LARGE1: variants seen among roughly 807,000 people sequenced by gnomAD.
LARGE1 encodes xylosyl- and glucuronyltransferase LARGE1.
Under a neutral mutation model 87.6 loss-of-function variants are expected in LARGE1, and 43 were observed. That is an observed-to-expected ratio of 0.49 (90% CI 0.38 to 0.63). The LOEUF (loss-of-function observed/expected upper bound fraction) is 0.63. LARGE1 is among the 30% of genes least tolerant of loss of function. LARGE1 has a pLI of 0.00. For synonymous variants in LARGE1, 434 were observed against 394.6 expected, an observed-to-expected ratio of 1.10 and a Z score of -1.18; for missense variants, 802 against 1,000.2, an observed-to-expected ratio of 0.80 and a Z score of 2.67.
chr22:33,430,943 T>C (rs2067058382), intron 7 of LARGE1, among the ~76,000 whole-genome samples: 2 of 152,162 alleles, frequency 1.3e-5, no homozygotes, highest in South Asian at 2.1e-4. Flanking sequence ...GCTTCACTTA[T>C]CACTTTTAGG....
chr22:33,597,116 C>T (rs548717524), intron 5 of LARGE1, among the ~76,000 whole-genome samples: 1 of 152,228 alleles, frequency 6.6e-6, no homozygotes, highest in East Asian at 1.9e-4. Context: ...TTCGTCACAG[C>T]ACCTGAAGTT....
intron 4 of LARGE1, among the ~76,000 whole-genome samples, chr22:33,613,567 A>G (rs1204081440): frequency 6.6e-6 from 1 of 152,120 alleles, no homozygotes; most frequent in African/African-American, 2.4e-5. Flanking sequence ...ATCTTGGCTC[A>G]CCACAACCTC....
At chr22:33,087,756 G>A in the LARGE1 span, among the ~76,000 whole-genome samples, 1 of 152,064 alleles carries the variant, frequency 6.6e-6, no homozygotes, top group African/African-American at 2.4e-5. Context: ...TCAGCAGGGC[G>A]AAACCCCATC....
intron 9 of LARGE1, 49 bp downstream of exon 9, chr22:33,381,870 C>T: frequency 1.2e-6 from 2 of 1,612,732 alleles, no homozygotes; most frequent in Non-Finnish European, 1.7e-6. Context: ...GGGAGGTCCT[C>T]TCGGCCCACC....
chr22:33,702,448 A>G (rs1302064514), intron 2 of LARGE1, among the ~76,000 whole-genome samples: 1 of 152,212 alleles, frequency 6.6e-6, no homozygotes, highest in Non-Finnish European at 1.5e-5. Flanking sequence ...AGAAAAGAAA[A>G]GCAATATAAA....
intron 10 of LARGE1, 85 bp downstream of exon 10, chr22:33,337,561 T>G (rs1938608943): frequency 6.6e-7 from 1 of 1,518,956 alleles, no homozygotes; most frequent in Non-Finnish European, 9.1e-7. Flanking sequence ...GCCATGAGCC[T>G]GACATAGAGC....
At chr22:33,338,381 C>T (rs1022113724) in intron 9 of LARGE1, among the ~76,000 whole-genome samples, 2 of 152,142 alleles carry the variant, frequency 1.3e-5, no homozygotes, top group African/African-American at 2.4e-5. Context: ...CCCTACTTCT[C>T]GGCCCAGTGA....
intron 1 of LARGE1, among the ~76,000 whole-genome samples, chr22:33,828,755 CG>C (rs887227151): frequency 6.6e-6 from 1 of 152,208 alleles, no homozygotes; most frequent in East Asian, 1.9e-4. Flanking sequence ...CATGCATAAA[CG>C]GATGAATGAG....
intron 9 of LARGE1, among the ~76,000 whole-genome samples, chr22:33,344,985 T>C (rs1283618541): frequency 6.6e-6 from 1 of 151,696 alleles, no homozygotes; most frequent in African/African-American, 2.4e-5. Flanking sequence ...CCAAAATAGA[T>C]TTTTGTAAGG....
chr22:33,608,061 G>A (rs1264080451), intron 4 of LARGE1, among the ~76,000 whole-genome samples: 1 of 152,166 alleles, frequency 6.6e-6, no homozygotes, highest in Admixed American at 6.5e-5. Context: ...AGAGGCAGCA[G>A]GACAAAGTCA....
intron 2 of LARGE1, among the ~76,000 whole-genome samples, chr22:33,739,674 T>C (rs1448852339): frequency 6.6e-6 from 1 of 152,088 alleles, no homozygotes; most frequent in Non-Finnish European, 1.5e-5. Flanking sequence ...CCACAGACAG[T>C]GGTGCAGCTG....
At chr22:33,151,615 C>G in the LARGE1 span, among the ~76,000 whole-genome samples, 1 of 152,090 alleles carries the variant, frequency 6.6e-6, no homozygotes, top group Non-Finnish European at 1.5e-5. Flanking sequence ...TGAGGAAGTT[C>G]AAGCTATTCT....
chr22:33,325,052 C>T (rs114781749), intron 10 of LARGE1, among the ~76,000 whole-genome samples: 3 of 152,212 alleles, frequency 2.0e-5, no homozygotes, highest in Non-Finnish European at 4.4e-5. Flanking sequence ...TAAGGTTATA[C>T]AATGCGCGAA....
intron 11 of LARGE1, among the ~76,000 whole-genome samples, chr22:33,214,715 C>T (rs1339136742): frequency 6.6e-6 from 1 of 152,164 alleles, no homozygotes; most frequent in Admixed American, 6.6e-5. Flanking sequence ...GAAGTGTGTG[C>T]ATGCAGGATT....
chr22:33,607,033 C>A (rs371015871), intron 4 of LARGE1, among the ~76,000 whole-genome samples: 8 of 152,248 alleles, frequency 5.3e-5, no homozygotes, highest in African/African-American at 1.9e-4. Flanking sequence ...GGCCCATGAT[C>A]TACAGCACAG....
chr22:33,407,668 G>A (rs2066149681), intron 7 of LARGE1, among the ~76,000 whole-genome samples: 1 of 108,002 alleles, frequency 9.3e-6, no homozygotes, highest in African/African-American at 3.8e-5. Flanking sequence ...GATGTGGAAA[G>A]CTAACTGGTG....
At chr22:33,300,222 C>T (rs1933955768) in intron 12 of LARGE1, among the ~76,000 whole-genome samples, 1 of 152,190 alleles carries the variant, frequency 6.6e-6, no homozygotes, top group South Asian at 2.1e-4. Context: ...TAACATTTAA[C>T]TTCTCTGGGG....
At chr22:33,618,725 T>C (rs1226515450) in intron 4 of LARGE1, among the ~76,000 whole-genome samples, 1 of 152,204 alleles carries the variant, frequency 6.6e-6, no homozygotes, top group Admixed American at 6.5e-5. Flanking sequence ...GACAAATGCC[T>C]AGGCAGAAAG....
intron 3 of LARGE1, among the ~76,000 whole-genome samples, chr22:33,646,200 G>C (rs1296945039): frequency 2.0e-5 from 3 of 152,144 alleles, no homozygotes; most frequent in African/African-American, 7.2e-5. Flanking sequence ...GCCCATCAAT[G>C]ATAGACTGGA....
Sources: allele counts gnomAD v4.1 joint callset (sites outside exome capture counted in the v4.1 genomes callset), GRCh38; gene constraint gnomAD v4.1.1; transcripts MANE v1.5; gene names NCBI Gene and HGNC (gene_info 2026-07-23, HGNC 2026-07-21).